BOLL: variants seen among roughly 807,000 people sequenced by gnomAD.
BOLL encodes the protein protein boule-like.
BOLL carries 23 observed loss-of-function variants against 44.4 expected under a neutral mutation model. The observed-to-expected ratio is 0.52, with a 90% CI of 0.37 to 0.73. BOLL has a LOEUF of 0.73. Ranked by LOEUF, BOLL falls within the 30% of genes least tolerant of loss-of-function variation. BOLL has a pLI of 0.00. For missense variants in BOLL, 287 were observed against 338.3 expected, an observed-to-expected ratio of 0.85 and a Z score of 1.19; for synonymous variants, 97 against 110.8, an observed-to-expected ratio of 0.88 and a Z score of 0.78.
intron 4 of BOLL, 80 bp downstream of exon 4, chr2:197,776,979 T>G (rs1243622813): frequency 1.7e-5 from 19 of 1,105,022 alleles, no homozygotes; most frequent in Admixed American, 2.4e-5. Flanking sequence ...AGCAGTTGAT[T>G]ATTGTATTTG....
chr2:197,771,271 C>T (rs1689240603), intron 6 of BOLL, among the ~76,000 whole-genome samples: 1 of 147,288 alleles, frequency 6.8e-6, no homozygotes, highest in South Asian at 2.1e-4. Context: ...ACCATATGGT[C>T]TCACTCATAG....
upstream of BOLL, chr2:197,786,081 A>G: frequency 1.3e-6 from 2 of 1,551,094 alleles, no homozygotes; most frequent in East Asian, 2.4e-5. This position sits in a 1 kb window ranked among gnomAD's most constrained non-coding sequence, Gnocchi z 5.9. Context: ...CCAAGGCAGC[A>G]GCGCTGCTTG....
intron 9 of BOLL, among the ~76,000 whole-genome samples, chr2:197,749,580 G>A (rs1178637058): frequency 6.6e-6 from 1 of 151,824 alleles, no homozygotes; most frequent in Non-Finnish European, 1.5e-5. Flanking sequence ...CGAGAACTTC[G>A]TGAAGCATAC....
chr2:197,755,402 C>T lies in BOLL; in HGVS notation c.729+1026G>A, dbSNP rs1419983857. On this transcript the variant is annotated intron_variant, in intron 9 of 10. Coordinates refer to ENST00000392296, the MANE Select transcript of BOLL (RefSeq NM_033030.6). The stretch of plus-strand genomic sequence containing the variant: ...AGCAATCCCATTACTGGGTATATAC[C>T]CAAAGAATATAAATCATTCTATTAT... Among the ~76,000 whole-genome samples the T allele has an allele frequency of 3.3e-5, 5 of 152,108 alleles. No homozygotes were observed. The East Asian group carries it at 9.6e-4, about 29-fold the overall frequency.
At position 197,763,497 on chromosome 2, in the gene BOLL, A is replaced by G. The variant is rs1467598131; in HGVS notation, c.552+3035T>C. ...TCCGTCTTAAAAAAAAAAAAAAAAA[A>G]GAAAGAAAACCTTAAGAAACAAATT... On this transcript the variant is annotated intron_variant, in intron 7 of 10. Coordinates refer to ENST00000392296, the MANE Select transcript of BOLL (RefSeq NM_033030.6). 2.0e-5 allele frequency among the ~76,000 whole-genome samples: 3 copies of G among 150,900 alleles called. No homozygotes were observed. In the East Asian group the frequency reaches 5.8e-4, roughly 29 times the overall value.
intron 3 of BOLL, among the ~76,000 whole-genome samples, chr2:197,777,995 C>T (rs1010498548): frequency 8.6e-5 from 13 of 151,836 alleles, no homozygotes; most frequent in Non-Finnish European, 1.6e-4. Flanking sequence ...AGAACACACA[C>T]GCCACCCAGT....
At chr2:197,764,108 C>A (rs544630668) in intron 7 of BOLL, among the ~76,000 whole-genome samples, 222 of 152,122 alleles carry the variant, frequency 1.5e-3, no homozygotes, top group Non-Finnish European at 2.2e-3. Flanking sequence ...ACTAGTACAA[C>A]CACTATGGAA....
rs752334902 is a variant in BOLL, at chr2:197,775,713, TCTTATC to T, written c.298_303del (p.Asp100_Lys101del). On this transcript the variant is annotated inframe_deletion, in exon 5 of 11. Transcript: ENST00000392296. The stretch of plus-strand genomic sequence containing the variant: ...CTTATTGCTGGACCAATGTTCAGCT[TCTTATC>T]CTTATAATTAAGTTTTTCAGCCTAA... The T allele has an allele frequency of 6.4e-7, 1 of 1,558,032 alleles. No individual in the cohort carries two copies. Among genetic ancestry groups the T allele is most frequent in the Admixed American group, 1.8e-5 (1 of 54,102 alleles).
chr2:197,735,953 G>C (rs550109564), intron 10 of BOLL, among the ~76,000 whole-genome samples: 1 of 152,222 alleles, frequency 6.6e-6, no homozygotes. Flanking sequence ...CTAATGGGAA[G>C]TTCTTTGTGC....
chr2:197,728,933 T>C (rs974241648), intron 10 of BOLL, among the ~76,000 whole-genome samples: 1 of 152,198 alleles, frequency 6.6e-6, no homozygotes, highest in Non-Finnish European at 1.5e-5. Context: ...AATAGTATTT[T>C]TGGCAGGAGG....
chr2:197,765,350 A>T (rs1232842855), intron 7 of BOLL, among the ~76,000 whole-genome samples: 2 of 151,970 alleles, frequency 1.3e-5, no homozygotes, highest in African/African-American at 2.4e-5. Context: ...TAAAAAAAAA[A>T]CAACAAAAAA....
chr2:197,770,196 T>C (rs1484259921), intron 6 of BOLL, among the ~76,000 whole-genome samples: 2 of 151,912 alleles, frequency 1.3e-5, no homozygotes, highest in Non-Finnish European at 2.9e-5. Context: ...ACACTACACA[T>C]CTACAACCAT....
intron 10 of BOLL, among the ~76,000 whole-genome samples, chr2:197,735,706 T>G (rs1376539311): frequency 6.6e-6 from 1 of 152,114 alleles, no homozygotes; most frequent in Admixed American, 6.6e-5. Flanking sequence ...CTAAAAAAAT[T>G]AAAAGGACAG....
intron 10 of BOLL, among the ~76,000 whole-genome samples, chr2:197,734,826 G>T (rs896019736): frequency 6.6e-6 from 1 of 152,100 alleles, no homozygotes; most frequent in African/African-American, 2.4e-5. Flanking sequence ...AGCGGGGAGG[G>T]ATAGCATTAG....
At chr2:197,785,898 G>T, upstream of BOLL, 4 of 1,152,916 alleles carry the variant, frequency 3.5e-6, no homozygotes, top group Non-Finnish European at 5.1e-6. The surrounding 1 kb of genome is among the most constrained non-coding windows in gnomAD (Gnocchi z 6.7). Flanking sequence ...CCTTCACCTC[G>T]CCCCTCCAAG....
chr2:197,772,574 G>A (rs1574859436), intron 5 of BOLL, among the ~76,000 whole-genome samples: 2 of 151,772 alleles, frequency 1.3e-5, no homozygotes, highest in South Asian at 2.1e-4. Context: ...TCTCTATCTA[G>A]TCTCCCTTTG....
intron 5 of BOLL, 24 bp from the exon 6 acceptor site, chr2:197,772,006 T>C: frequency 6.6e-7 from 1 of 1,516,400 alleles, no homozygotes; most frequent in Non-Finnish European, 8.9e-7. Flanking sequence ...TAAATAATAA[T>C]AATTGAAATG....
At chr2:197,733,292 C>T (rs1687298426) in intron 10 of BOLL, among the ~76,000 whole-genome samples, 1 of 140,078 alleles carries the variant, frequency 7.1e-6, no homozygotes, top group Non-Finnish European at 1.5e-5. Flanking sequence ...CTACAAACCA[C>T]TGCTCAACGA....
At chr2:197,770,756 A>G (rs1365854589) in intron 6 of BOLL, among the ~76,000 whole-genome samples, 2 of 152,218 alleles carry the variant, frequency 1.3e-5, no homozygotes, top group East Asian at 1.9e-4. Context: ...AATGCTCATC[A>G]TCACTGGCCA....
Sources: allele counts gnomAD v4.1 joint callset (sites outside exome capture counted in the v4.1 genomes callset), GRCh38; gene constraint gnomAD v4.1.1; non-coding constraint Gnocchi (gnomAD v3.1); transcripts MANE v1.5; gene names NCBI Gene and HGNC (gene_info 2026-07-23, HGNC 2026-07-21).